Variants in MAGI2 observed in about 807,000 individuals in gnomAD.
The protein encoded by MAGI2 is membrane associated guanylate kinase, WW and PDZ domain containing 2.
Under a neutral mutation model 133.3 loss-of-function variants are expected in MAGI2, and 35 were observed. The observed-to-expected ratio is 0.26, with a 90% CI of 0.20 to 0.35. The LOEUF is 0.35. Among genes scored for constraint, MAGI2 ranks in the 10% least tolerant of loss-of-function variants. MAGI2 has a pLI of 1.00. For synonymous variants in MAGI2, 729 were observed against 710.6 expected, an observed-to-expected ratio of 1.03 and a Z score of -0.41; for missense variants, 1,636 against 1,863.4, an observed-to-expected ratio of 0.88 and a Z score of 2.25.
intron 16 of MAGI2, among the ~76,000 whole-genome samples, chr7:78,138,551 T>A (rs1563170923): frequency 6.6e-6 from 1 of 152,102 alleles, no homozygotes; most frequent in Non-Finnish European, 1.5e-5. Context: ...TATTTATGCC[T>A]CTGCTCTCCT....
chr7:78,853,636 G>A (rs943852990), intron 2 of MAGI2, among the ~76,000 whole-genome samples: 2 of 151,982 alleles, frequency 1.3e-5, no homozygotes, highest in Non-Finnish European at 2.9e-5. Flanking sequence ...GGTTATGGGC[G>A]TAAGCCACCA....
At chr7:78,167,805 C>T in intron 15 of MAGI2, 111 bp downstream of exon 15, 1 of 973,112 alleles carries the variant, frequency 1.0e-6, no homozygotes, top group Non-Finnish European at 1.5e-6. Context: ...TTTCCTTCCT[C>T]ATATAATGTA....
At chr7:78,840,720 G>C (rs113639631) in intron 2 of MAGI2, among the ~76,000 whole-genome samples, 3,975 of 152,030 alleles carry the variant, frequency 0.026, 75 homozygotes, top group Middle Eastern at 0.044. Flanking sequence ...AGGCTTGTCA[G>C]CATTACTTAG....
rs151010353 is a variant in MAGI2, at chr7:78,999,381, A to G, written c.418+7709T>C. 9.1e-3 allele frequency among the ~76,000 whole-genome samples: 1,384 copies of G among 152,180 alleles called. 27 individuals are homozygous for G. The highest frequency in any genetic ancestry group is 0.032 in the African/African-American group (1,311 of 41,534). ...TGGTGTCAAATTGATAAATCAATAC[A>G]ATCACTTTTAATGTTCCTTGATTTT... On this transcript the variant is annotated intron_variant, in intron 2 of 21. Coordinates refer to ENST00000354212, the MANE Select transcript of MAGI2 (RefSeq NM_012301.4).
chr7:78,675,220 T>C (rs1814876209), intron 2 of MAGI2, among the ~76,000 whole-genome samples: 1 of 151,016 alleles, frequency 6.6e-6, no homozygotes, highest in South Asian at 2.1e-4. Context: ...GATCTCTTCA[T>C]GCCTACAAAA....
At chr7:79,427,871 A>G (rs1335216695) in intron 1 of MAGI2, among the ~76,000 whole-genome samples, 1 of 152,160 alleles carries the variant, frequency 6.6e-6, no homozygotes, top group African/African-American at 2.4e-5. Context: ...GTTAGAAGCT[A>G]TGGTATTAAT....
chr7:79,374,543 A>G (rs1585749481), intron 1 of MAGI2, among the ~76,000 whole-genome samples: 1 of 151,992 alleles, frequency 6.6e-6, no homozygotes, highest in East Asian at 1.9e-4. Flanking sequence ...TGCTTCAGCC[A>G]TTTAGTTAAT....
chr7:79,392,431 C>T (rs1001854655), intron 1 of MAGI2, among the ~76,000 whole-genome samples: 1 of 152,136 alleles, frequency 6.6e-6, no homozygotes, highest in Non-Finnish European at 1.5e-5. Flanking sequence ...GAAGAATCAC[C>T]ATGCTGTCCT....
chr7:79,310,231 T>C (rs985165438), intron 1 of MAGI2, among the ~76,000 whole-genome samples: 2 of 104,892 alleles, frequency 1.9e-5, no homozygotes, highest in African/African-American at 3.5e-5. Flanking sequence ...CAGTGTTAAA[T>C]ATTCGAATGC....
chr7:79,314,836 T>C (rs1178380692), intron 1 of MAGI2, among the ~76,000 whole-genome samples: 1 of 152,194 alleles, frequency 6.6e-6, no homozygotes, highest in Non-Finnish European at 1.5e-5. Context: ...AGAAAAGTTT[T>C]AGCTATGGGA....
chr7:79,103,532 G>T (rs976242781), intron 1 of MAGI2, among the ~76,000 whole-genome samples: 5 of 152,152 alleles, frequency 3.3e-5, no homozygotes, highest in Middle Eastern at 3.4e-3. Context: ...GGGGTCATAA[G>T]GTGATGAAGA....
chr7:79,074,495 C>T (rs1001840524), intron 1 of MAGI2, among the ~76,000 whole-genome samples: 1 of 152,096 alleles, frequency 6.6e-6, no homozygotes, highest in African/African-American at 2.4e-5. Flanking sequence ...GTTTTCTCTT[C>T]TCTGCTTTCT....
At chr7:78,233,497 T>C (rs1790193665) in intron 10 of MAGI2, among the ~76,000 whole-genome samples, 1 of 152,154 alleles carries the variant, frequency 6.6e-6, no homozygotes, top group African/African-American at 2.4e-5. Context: ...AGTCAGATGT[T>C]AAGTAAAGGC....
rs1049026573 is a variant in MAGI2, at chr7:78,599,321, T to G, written c.538+27799A>C. On this transcript the variant is annotated intron_variant, in intron 3 of 21. Coordinates refer to ENST00000354212, the MANE Select transcript of MAGI2 (RefSeq NM_012301.4). ...CCTCGTATTAAAAATTTTAAGAAGA[T>G]AGATCTCAAGTGTTCTTACTACAAT... Among the ~76,000 whole-genome samples, 2 of 152,314 alleles carry G rather than the reference T, an allele frequency of 1.3e-5. 1 individual carries two copies. Among genetic ancestry groups the G allele is most frequent in the South Asian group, 4.1e-4 (2 of 4,828 alleles).
intron 2 of MAGI2, among the ~76,000 whole-genome samples, chr7:78,754,679 T>C (rs1823781874): frequency 6.6e-6 from 1 of 152,198 alleles, no homozygotes; most frequent in South Asian, 2.1e-4. Flanking sequence ...GGGCAATCAA[T>C]ATAAAAAGCA....
At chr7:79,078,753 T>C (rs1815771385) in intron 1 of MAGI2, among the ~76,000 whole-genome samples, 1 of 152,142 alleles carries the variant, frequency 6.6e-6, no homozygotes, top group Admixed American at 6.5e-5. Context: ...AATACACCAA[T>C]AAACACATTT....
intron 9 of MAGI2, among the ~76,000 whole-genome samples, chr7:78,335,994 C>T (rs1253569879): frequency 6.6e-6 from 1 of 152,000 alleles, no homozygotes; most frequent in Admixed American, 6.6e-5. Context: ...ATGTCTAAAC[C>T]GTTAAATCAA....
intron 2 of MAGI2, among the ~76,000 whole-genome samples, chr7:78,996,922 A>G (rs1806360820): frequency 6.6e-6 from 1 of 152,098 alleles, no homozygotes; most frequent in African/African-American, 2.4e-5. Flanking sequence ...TCAGAGCAAG[A>G]CCTGTAAATT....
chr7:79,133,275 G>A (rs1240144044), intron 1 of MAGI2, among the ~76,000 whole-genome samples: 1 of 152,084 alleles, frequency 6.6e-6, no homozygotes, highest in Non-Finnish European at 1.5e-5. Context: ...AATTTTTATA[G>A]TTTCAGGTTT....
Sources: gnomAD v4.1 joint callset for allele counts (sites outside exome capture counted in the v4.1 genomes callset) on GRCh38, gnomAD v4.1.1 for gene constraint, MANE v1.5 for transcripts, NCBI Gene and HGNC (gene_info 2026-07-23, HGNC 2026-07-21) for gene names.